The following TBC1D30 variants were observed in gnomAD, a reference collection of about 807,000 sequenced individuals.
TBC1D30 encodes TBC1 domain family member 30.
A neutral mutation model predicts 63.2 loss-of-function variants in TBC1D30; 31 were observed. The observed-to-expected ratio is 0.49, with a 90% CI of 0.37 to 0.66. The LOEUF (loss-of-function observed/expected upper bound fraction) is 0.66, where lower values mean the gene tolerates loss of function less well. Ranked by LOEUF, TBC1D30 falls within the 30% of genes least tolerant of loss-of-function variation. The pLI is 0.00. For synonymous variants in TBC1D30, 307 were observed against 361.5 expected (o/e 0.85, Z 1.71); for missense variants, 810 against 953.6 (o/e 0.85, Z 1.98).
In TBC1D30 at chr12:64,876,731, T is replaced by C. The variant is rs1322836075; in HGVS notation, c.*943T>C. 2 of 452,616 alleles carry C rather than the reference T, an allele frequency of 4.4e-6. No individual in the cohort carries two copies. Among genetic ancestry groups the C allele is most frequent in the Admixed American group, 2.4e-5 (1 of 42,390 alleles). 28.0% of individuals were successfully genotyped at this position (452,616 alleles called of 1,614,324 possible). ...ACTCTGTTACTTGAATTTTGTGCTT[T>C]TTGATTGGAGTCCTTTGTTGAGTAC... On this transcript the variant is annotated 3_prime_UTR_variant, in exon 12 of 12. Coordinates refer to ENST00000539867, the MANE Select transcript of TBC1D30 (RefSeq NM_015279.2).
At chr12:64,831,749 A>G (rs1143834) in intron 4 of TBC1D30, among the ~76,000 whole-genome samples, 86,590 of 152,000 alleles carry the variant, frequency 0.57, 25,436 homozygotes, top group East Asian at 0.9. Flanking sequence ...TGTTAGCCTC[A>G]ATCATACATG....
At chr12:64,807,229 C>A (rs919043604) in intron 2 of TBC1D30, among the ~76,000 whole-genome samples, 4 of 152,132 alleles carry the variant, frequency 2.6e-5, no homozygotes, top group African/African-American at 9.7e-5. Context: ...TTTTGCTTGG[C>A]GCTTCTTCCT....
At chr12:64,816,035 CTT>C (rs11338586) in intron 2 of TBC1D30, among the ~76,000 whole-genome samples, 4,081 of 143,298 alleles carry the variant, frequency 0.028, 77 homozygotes, top group Non-Finnish European at 0.042. Context: ...GTTCAGAATA[CTT>C]TTTTTTTTTT....
At chr12:64,792,814 T>C (rs973894250) in intron 2 of TBC1D30, among the ~76,000 whole-genome samples, 29 of 152,178 alleles carry the variant, frequency 1.9e-4, no homozygotes, top group African/African-American at 7.0e-4. Flanking sequence ...CCTCAAATGA[T>C]GCACCTGCCT....
At chr12:64,815,786 CT>C (rs1410615370) in intron 2 of TBC1D30, among the ~76,000 whole-genome samples, 4 of 148,902 alleles carry the variant, frequency 2.7e-5, no homozygotes, top group Admixed American at 6.7e-5. Context: ...ATGTAAGATT[CT>C]TTTTTTTTTC....
rs1294023954 is a variant in TBC1D30 at position 64,832,128 on chromosome 12, C to T, written c.418C>T (p.Arg140Cys). ...MGIQIVKDLH[R>C]TGCSSYCGQE... is the part of the protein sequence containing the mutation. ...TTTCCCTTCCATTTAGGACCTTCAC[C>T]GCACAGGCTGTAGTTCTTACTGTGG... Residue 140 changes from arginine to cysteine, a missense_variant, in exon 5 of 12, where the codon CGC (arginine) becomes TGC (cysteine). This residue lies in a region of TBC1D30 where 272 missense variants were observed against 335.9 expected (regional missense o/e 0.81). Coordinates refer to ENST00000539867, the MANE Select transcript of TBC1D30 (RefSeq NM_015279.2). The T allele has an allele frequency of 2.6e-6, 4 of 1,534,224 alleles. No individual in the cohort carries two copies. Among genetic ancestry groups the T allele is most frequent in the Middle Eastern group, 1.7e-4 (1 of 5,980 alleles).
At chr12:64,759,854 A>G (rs1237254132) in intron 1 of TBC1D30, among the ~76,000 whole-genome samples, 1 of 152,246 alleles carries the variant, frequency 6.6e-6, no homozygotes, top group Non-Finnish European at 1.5e-5. Context: ...GGACTCTACC[A>G]TATTTAATCC....
intron 1 of TBC1D30, among the ~76,000 whole-genome samples, chr12:64,760,333 G>C (rs1456414973): frequency 6.6e-6 from 1 of 152,194 alleles, no homozygotes; most frequent in East Asian, 1.9e-4. Flanking sequence ...ACTTTGGGAG[G>C]CGGGTGGATC....
Position 64,878,690 on chromosome 12 carries a change from C to T in TBC1D30, c.*2902C>T, listed in dbSNP as rs1879258131. 1.1e-5 allele frequency: 4 copies of T among 373,486 alleles called. No individual in the cohort carries two copies. The highest frequency in any genetic ancestry group is 2.1e-5 in the Non-Finnish European group (4 of 186,832). The allele number at this position is 373,486 out of a possible 1,614,324, so 23.1% of individuals were successfully genotyped here. ...AACACTGTTGTGACAGTCCCTTCTC[C>T]CTTCTTCCTTCTTCCTTCACCCCCA... is the stretch of plus-strand genomic sequence containing the variant. On this transcript the variant is annotated 3_prime_UTR_variant, in exon 12 of 12. Transcript: ENST00000539867.
At chr12:64,779,790 C>G (rs501130), upstream of TBC1D30, among the ~76,000 whole-genome samples, 87,947 of 152,002 alleles carry the variant, frequency 0.58, 25,741 homozygotes, top group East Asian at 0.89. Flanking sequence ...CCTCAGCTCC[C>G]TCAGCTGAAA....
intron 8 of TBC1D30, among the ~76,000 whole-genome samples, chr12:64,862,733 A>G (rs555929077): frequency 3.0e-4 from 45 of 152,348 alleles, no homozygotes; most frequent in African/African-American, 1.1e-3. Flanking sequence ...AGCATCAAAA[A>G]TCTCATCTTT....
At chr12:64,836,742 A>G (rs921099158) in intron 6 of TBC1D30, 84 bp downstream of exon 6, 2 of 1,275,448 alleles carry the variant, frequency 1.6e-6, no homozygotes, top group African/African-American at 3.0e-5. Context: ...TTGAATGGAA[A>G]TATGTATTTC....
At chr12:64,835,349 A>T (rs1875248121) in intron 5 of TBC1D30, among the ~76,000 whole-genome samples, 1 of 152,088 alleles carries the variant, frequency 6.6e-6, no homozygotes, top group South Asian at 2.1e-4. Context: ...AGGAGGGGAA[A>T]ATGGGCCCTT....
At chr12:64,863,504 C>G (rs961736989) in intron 8 of TBC1D30, among the ~76,000 whole-genome samples, 1 of 152,192 alleles carries the variant, frequency 6.6e-6, no homozygotes, top group Non-Finnish European at 1.5e-5. Flanking sequence ...ATTATGTTTG[C>G]AGTCCCTATA....
chr12:64,866,938 T>C, intron 10 of TBC1D30, 35 bp downstream of exon 10: 8 of 1,534,332 alleles, frequency 5.2e-6, no homozygotes, highest in Non-Finnish European at 7.0e-6. Context: ...ATTATCATGA[T>C]GTATTGGTTT....
At chr12:64,771,785 A>G (rs1185390757) in intron 1 of TBC1D30, among the ~76,000 whole-genome samples, 1 of 152,252 alleles carries the variant, frequency 6.6e-6, no homozygotes, top group Non-Finnish European at 1.5e-5. Flanking sequence ...TTTGGGTGGT[A>G]CACCTGACCA....
chr12:64,765,770 C>A (rs1870688991), intron 1 of TBC1D30, among the ~76,000 whole-genome samples: 1 of 143,446 alleles, frequency 7.0e-6, no homozygotes, highest in Non-Finnish European at 1.5e-5. Context: ...CCTAGGTGGG[C>A]AGATGGCTTG....
intron 2 of TBC1D30, among the ~76,000 whole-genome samples, chr12:64,798,838 AG>A: frequency 9.1e-6 from 1 of 109,482 alleles, no homozygotes; most frequent in Non-Finnish European, 1.7e-5. Flanking sequence ...GTTGAGACGG[AG>A]TCTCGCTCTG....
At chr12:64,822,238 G>A (rs1269183615), upstream of TBC1D30, among the ~76,000 whole-genome samples, 1 of 152,032 alleles carries the variant, frequency 6.6e-6, no homozygotes, top group Non-Finnish European at 1.5e-5. Flanking sequence ...CTGGAGTGCA[G>A]TGGCCAATCA....
Sources: gnomAD v4.1 joint callset for allele counts (sites outside exome capture counted in the v4.1 genomes callset) on GRCh38, gnomAD v4.1.1 for gene constraint, gnomAD v4.1.1 regional missense constraint, MANE v1.5 for transcripts, NCBI Gene and HGNC (gene_info 2026-07-23, HGNC 2026-07-21) for gene names.